The following CELF2 variants were observed in gnomAD, a reference collection of about 807,000 sequenced individuals.
CELF2 encodes CUG triplet repeat RNA-binding protein 2.
A neutral mutation model predicts 62.6 loss-of-function variants in CELF2; 8 were observed. The observed-to-expected ratio is 0.13, with a 90% CI of 0.07 to 0.23. The LOEUF is 0.23. Among genes scored for constraint, CELF2 ranks in the 10% least tolerant of loss-of-function variants. The probability of loss-of-function intolerance (pLI) is 1.00; values close to 1 mark genes in which losing one functional copy is unlikely to be tolerated. For missense variants in CELF2, 333 were observed against 671.0 expected (o/e 0.50, Z 5.56); for synonymous variants, 258 against 250.0 (o/e 1.03, Z -0.30).
chr10:11,049,910 C>T (rs1203709528), intron 1 of CELF2, among the ~76,000 whole-genome samples: 2 of 152,192 alleles, frequency 1.3e-5, no homozygotes, highest in African/African-American at 2.4e-5. Context: ...CAGTGTCCTT[C>T]GGGGACCCCG....
At chr10:10,829,847 T>C (rs560232117) in intron 1 of CELF2, among the ~76,000 whole-genome samples, 1 of 152,274 alleles carries the variant, frequency 6.6e-6, no homozygotes, top group East Asian at 1.9e-4. Flanking sequence ...TGTTACGTGG[T>C]GCATATGTTC....
chr10:11,028,527 C>T (rs1356363182), intron 1 of CELF2, among the ~76,000 whole-genome samples: 3 of 150,606 alleles, frequency 2.0e-5, no homozygotes, highest in Non-Finnish European at 4.4e-5. Flanking sequence ...TCAAGTGATT[C>T]TCTTGCCTCA....
chr10:11,152,753 A>G (rs1477621165), intron 1 of CELF2, among the ~76,000 whole-genome samples: 2 of 152,296 alleles, frequency 1.3e-5, no homozygotes, highest in East Asian at 1.9e-4. Flanking sequence ...GAATGCATCA[A>G]ACTTACATAA....
chr10:10,488,982 G>A, the CELF2 span, among the ~76,000 whole-genome samples: 1 of 152,064 alleles, frequency 6.6e-6, no homozygotes, highest in African/African-American at 2.4e-5. Context: ...AATGGTGATA[G>A]TGGCCAGCTT....
At chr10:11,146,898 C>T (rs1455075770) in intron 1 of CELF2, among the ~76,000 whole-genome samples, 1 of 152,178 alleles carries the variant, frequency 6.6e-6, no homozygotes. Context: ...AGCCTGTAGC[C>T]TTGGTGTGTG....
intron 3 of CELF2, among the ~76,000 whole-genome samples, chr10:11,234,977 G>T (rs1015685958): frequency 6.6e-6 from 1 of 152,154 alleles, no homozygotes; most frequent in Non-Finnish European, 1.5e-5. Flanking sequence ...CAATGATGCA[G>T]TGAGTTTTCT....
At chr10:11,166,087 C>T (rs1183826387) in intron 2 of CELF2, among the ~76,000 whole-genome samples, 1 of 152,246 alleles carries the variant, frequency 6.6e-6, no homozygotes, top group African/African-American at 2.4e-5. Flanking sequence ...CATGTAATTA[C>T]AATTGCATTT....
At chr10:11,109,084 G>A in intron 1 of CELF2, among the ~76,000 whole-genome samples, 1 of 152,182 alleles carries the variant, frequency 6.6e-6, no homozygotes, top group East Asian at 1.9e-4. Context: ...TTCTCCAGCA[G>A]TTAATTCTGT....
chr10:10,723,077 T>G, the CELF2 span, among the ~76,000 whole-genome samples: 3 of 152,224 alleles, frequency 2.0e-5, no homozygotes, highest in Non-Finnish European at 4.4e-5. Flanking sequence ...ATCTTTTCTC[T>G]GAGTTTTAAT....
chr10:10,856,817 G>A (rs12354869), intron 1 of CELF2, among the ~76,000 whole-genome samples: 19,891 of 152,018 alleles, frequency 0.13, 1,680 homozygotes, highest in Non-Finnish European at 0.19. Context: ...AGTATCTTCC[G>A]TCTTCAAACA....
chr10:10,881,147 C>T (rs909686876), intron 1 of CELF2, among the ~76,000 whole-genome samples: 1 of 152,224 alleles, frequency 6.6e-6, no homozygotes, highest in Non-Finnish European at 1.5e-5. Flanking sequence ...TGATCAGTTG[C>T]TCACCACTGT....
At chr10:11,294,747 C>G (rs2139909088) in intron 9 of CELF2, among the ~76,000 whole-genome samples, 1 of 152,046 alleles carries the variant, frequency 6.6e-6, no homozygotes, top group African/African-American at 2.4e-5. Flanking sequence ...CCAGTCTCGA[C>G]TAAAACTACA....
chr10:10,902,763 T>C (rs2063029460), intron 1 of CELF2, among the ~76,000 whole-genome samples: 2 of 150,146 alleles, frequency 1.3e-5, no homozygotes, highest in Admixed American at 6.7e-5. Flanking sequence ...TTAGTAAAGC[T>C]CAGGAAAGGA....
the CELF2 span, among the ~76,000 whole-genome samples, chr10:10,559,956 C>T: frequency 6.6e-6 from 1 of 152,110 alleles, no homozygotes; most frequent in Non-Finnish European, 1.5e-5. Context: ...CTGATGACTC[C>T]CTGTACTTCT....
the CELF2 span, among the ~76,000 whole-genome samples, chr10:10,558,781 G>C: frequency 6.6e-6 from 1 of 152,106 alleles, no homozygotes; most frequent in African/African-American, 2.4e-5. Context: ...TATGTGTCGA[G>C]GAAATTTATC....
At chr10:10,809,221 C>T (rs796118496) in intron 1 of CELF2, among the ~76,000 whole-genome samples, 11 of 152,292 alleles carry the variant, frequency 7.2e-5, no homozygotes, top group African/African-American at 2.4e-4. Context: ...CTGTCTCTGT[C>T]TCTACCATGG....
At chr10:10,571,296 A>C in the CELF2 span, among the ~76,000 whole-genome samples, 1 of 152,214 alleles carries the variant, frequency 6.6e-6, no homozygotes, top group Admixed American at 6.5e-5. Flanking sequence ...AACGTACTTC[A>C]GTCAGTAAAA....
At chr10:10,686,361 C>T in the CELF2 span, among the ~76,000 whole-genome samples, 415 of 146,182 alleles carry the variant, frequency 2.8e-3, 4 homozygotes, top group African/African-American at 9.8e-3. Flanking sequence ...TTTGCAATCT[C>T]TTGTTAACTT....
chr10:10,898,008 G>T (rs959426668), intron 1 of CELF2, among the ~76,000 whole-genome samples: 7 of 152,170 alleles, frequency 4.6e-5, no homozygotes, highest in African/African-American at 1.7e-4. Flanking sequence ...GGCTCAGAGG[G>T]TGGATCAAGC....
Sources: gnomAD v4.1 joint callset for allele counts (sites outside exome capture counted in the v4.1 genomes callset) on GRCh38, gnomAD v4.1.1 for gene constraint, MANE v1.5 for transcripts, NCBI Gene and HGNC (gene_info 2026-07-23, HGNC 2026-07-21) for gene names.